Variants in WNT3 observed in about 807,000 individuals in gnomAD.
WNT3 encodes the protein proto-oncogene Wnt-3.
In WNT3, 7 loss-of-function variants were observed where a neutral mutation model predicts 34.2. That is an observed-to-expected ratio of 0.20 (90% CI 0.12 to 0.38). WNT3 has a LOEUF of 0.38. Ranked by LOEUF, WNT3 falls within the 10% of genes least tolerant of loss-of-function variation. The pLI is 1.00. For synonymous variants in WNT3, 212 were observed against 211.5 expected (o/e 1.00, Z -0.02); for missense variants, 267 against 499.8 (o/e 0.53, Z 4.44).
At chr17:46,813,520 G>A (rs1201475501) in intron 1 of WNT3, among the ~76,000 whole-genome samples, 11 of 151,792 alleles carry the variant, frequency 7.2e-5, no homozygotes, top group Non-Finnish European at 1.2e-4. Flanking sequence ...TTAGGAATGA[G>A]GGGTGGAGGA....
chr17:46,809,155 G>A (rs1338250096), intron 1 of WNT3, among the ~76,000 whole-genome samples: 1 of 152,180 alleles, frequency 6.6e-6, no homozygotes, highest in Non-Finnish European at 1.5e-5. Context: ...TGCGCAGGTG[G>A]ACAGAAGTGA....
intron 1 of WNT3, among the ~76,000 whole-genome samples, chr17:46,817,583 G>A (rs1310849618): frequency 6.6e-6 from 1 of 152,066 alleles, no homozygotes; most frequent in African/African-American, 2.4e-5. Context: ...CTGGAGCTGG[G>A]GCTCCCAAAG....
At chr17:46,794,736 T>G (rs1032172183) in intron 1 of WNT3, among the ~76,000 whole-genome samples, 24 of 147,914 alleles carry the variant, frequency 1.6e-4, no homozygotes, top group African/African-American at 5.8e-4. Context: ...TTTCTTTTCT[T>G]TCTTTCTTTC....
intron 4 of WNT3, among the ~76,000 whole-genome samples, chr17:46,767,773 GTTTT>G (rs915033313): frequency 1.3e-5 from 2 of 150,518 alleles, no homozygotes; most frequent in East Asian, 1.9e-4. Context: ...ACTGAATTTT[GTTTT>G]TTTTTGTTTG....
intron 1 of WNT3, among the ~76,000 whole-genome samples, chr17:46,816,676 C>T (rs1447381936): frequency 4.0e-5 from 6 of 150,242 alleles, no homozygotes; most frequent in African/African-American, 1.5e-4. Context: ...CCCCAAGATA[C>T]CATTTCACAC....
rs145358316 is a variant in WNT3 at position 46,794,575 on chromosome 17, G to A, written c.81-20666C>T. ...TGTTTGCAGAACACACTGTACCACC[G>A]TGGAGAGGATAAAAATCTAAAATTC... On this transcript the variant is annotated intron_variant, in intron 1 of 4. Coordinates refer to ENST00000225512, the MANE Select transcript of WNT3 (RefSeq NM_030753.5). Among the ~76,000 whole-genome samples the A allele has an allele frequency of 5.3e-5, 8 of 152,190 alleles. No homozygotes were observed. In the East Asian group the frequency reaches 1.5e-3, roughly 29 times the overall value.
intron 1 of WNT3, among the ~76,000 whole-genome samples, chr17:46,815,013 G>T (rs1356765677): frequency 6.6e-6 from 1 of 152,172 alleles, no homozygotes; most frequent in Non-Finnish European, 1.5e-5. Flanking sequence ...CCTGGGTGAA[G>T]TGTAAGGAAG....
At position 46,768,598 on chromosome 17, in the gene WNT3, A is replaced by C; in HGVS notation, c.790T>G (p.Ser264Ala). Residue 264 changes from serine to alanine, a missense_variant, in exon 4 of 5, where the codon TCG becomes GCG. Transcript: ENST00000225512. The surrounding 1 kb of genome is among the most constrained non-coding windows in gnomAD (Gnocchi z 5.0). ...GWVETLRAKY[S>A]LFKPPTERDL... ...CTCTCCGTGGGTGGCTTGAAGAGCG[A>C]GTACTTGGCCCGGAGGGTCTCCACC... 2 of 1,614,154 alleles carry C rather than the reference A, an allele frequency of 1.2e-6. No homozygotes were observed. Among genetic ancestry groups the C allele is most frequent in the Non-Finnish European group, 1.7e-6 (2 of 1,180,032 alleles).
At chr17:46,791,247 C>A (rs1170253491) in intron 1 of WNT3, among the ~76,000 whole-genome samples, 1 of 151,888 alleles carries the variant, frequency 6.6e-6, no homozygotes, top group Non-Finnish European at 1.5e-5. Flanking sequence ...AGAGTCTCGC[C>A]CTGTCACCCA....
chr17:46,777,941 C>G (rs2059425598), intron 1 of WNT3, among the ~76,000 whole-genome samples: 1 of 152,190 alleles, frequency 6.6e-6, no homozygotes, highest in Non-Finnish European at 1.5e-5. Context: ...GACCTGGGAG[C>G]CATGGTGCCA....
At chr17:46,766,736 T>C (rs1176849715) in intron 4 of WNT3, among the ~76,000 whole-genome samples, 1 of 152,092 alleles carries the variant, frequency 6.6e-6, no homozygotes, top group Non-Finnish European at 1.5e-5. Context: ...TTCCCTCCCC[T>C]ACTCCCTATG....
At chr17:46,788,039 G>A (rs1239789198) in intron 1 of WNT3, among the ~76,000 whole-genome samples, 1 of 152,014 alleles carries the variant, frequency 6.6e-6, no homozygotes, top group Non-Finnish European at 1.5e-5. Flanking sequence ...GTTGCAGAGT[G>A]TGAGAAGTCC....
intron 1 of WNT3, among the ~76,000 whole-genome samples, chr17:46,779,049 C>T (rs1000284334): frequency 3.8e-4 from 20 of 52,998 alleles, no homozygotes; most frequent in African/African-American, 1.2e-3. Flanking sequence ...CGGTCCCTAC[C>T]CCATCACACA....
At chr17:46,804,952 C>A (rs888181355) in intron 1 of WNT3, among the ~76,000 whole-genome samples, 1 of 145,934 alleles carries the variant, frequency 6.9e-6, no homozygotes, top group African/African-American at 2.6e-5. Context: ...AGCACCAACC[C>A]CCTTGGGTCG....
At chr17:46,774,111 G>A (rs1307056080) in intron 1 of WNT3, among the ~76,000 whole-genome samples, 1 of 152,242 alleles carries the variant, frequency 6.6e-6, no homozygotes, top group African/African-American at 2.4e-5. Context: ...CAGCCCTCTG[G>A]CTGCATCCAG....
chr17:46,816,127 ACACT>A (rs1189380328), intron 1 of WNT3, among the ~76,000 whole-genome samples: 1 of 128,352 alleles, frequency 7.8e-6, no homozygotes, highest in Non-Finnish European at 1.6e-5. Context: ...ACACACACAC[ACACT>A]CACACACACG....
At chr17:46,801,132 C>T (rs1459662301) in intron 1 of WNT3, among the ~76,000 whole-genome samples, 1 of 152,180 alleles carries the variant, frequency 6.6e-6, no homozygotes, top group Non-Finnish European at 1.5e-5. Flanking sequence ...AAAACCAAGG[C>T]TTGGAGAGGT....
chr17:46,805,726 G>T (rs1022982828), intron 1 of WNT3, among the ~76,000 whole-genome samples: 1 of 152,182 alleles, frequency 6.6e-6, no homozygotes, highest in African/African-American at 2.4e-5. Flanking sequence ...ACTCCAGCCT[G>T]GGCAACAGAG....
chr17:46,786,612 A>G (rs575777991), intron 1 of WNT3, among the ~76,000 whole-genome samples: 1 of 152,384 alleles, frequency 6.6e-6, no homozygotes, highest in East Asian at 1.9e-4. Flanking sequence ...TTTGCTGCGC[A>G]GTTCAGGACT....
Sources: gnomAD v4.1 joint callset for allele counts (sites outside exome capture counted in the v4.1 genomes callset) on GRCh38, gnomAD v4.1.1 for gene constraint, Gnocchi (gnomAD v3.1) non-coding constraint, MANE v1.5 for transcripts, NCBI Gene and HGNC (gene_info 2026-07-23, HGNC 2026-07-21) for gene names.